URB1: variants seen among roughly 807,000 people sequenced by gnomAD.
URB1 encodes the protein nucleolar pre-ribosomal-associated protein 1.
In URB1, 197 loss-of-function variants were observed where a neutral mutation model predicts 242.3. That is an observed-to-expected ratio of 0.81 (90% CI 0.72 to 0.91). The LOEUF (loss-of-function observed/expected upper bound fraction) is 0.91, where lower values mean the gene tolerates loss of function less well. Ranked by LOEUF, URB1 falls within the 40% of genes least tolerant of loss-of-function variation. URB1 has a pLI of 0.00. For missense variants in URB1, 2,721 were observed against 2,860.5 expected (o/e 0.95, Z 1.11); for synonymous variants, 1,153 against 1,201.8 (o/e 0.96, Z 0.84).
At chr21:32,377,010 T>C (rs1386861790) in intron 5 of URB1, among the ~76,000 whole-genome samples, 1 of 152,128 alleles carries the variant, frequency 6.6e-6, no homozygotes, top group Non-Finnish European at 1.5e-5. Flanking sequence ...CAGTCCCCAA[T>C]TTGCTCAGCC....
intron 31 of URB1, 82 bp from the exon 32 acceptor site, chr21:32,324,684 G>T: frequency 9.6e-7 from 1 of 1,041,876 alleles, no homozygotes; most frequent in Non-Finnish European, 1.4e-6. Flanking sequence ...AGCCGAACCA[G>T]GGCTCGGCAG....
intron 11 of URB1, 44 bp from the exon 12 acceptor site, chr21:32,362,065 A>G: frequency 6.5e-7 from 1 of 1,544,900 alleles, no homozygotes; most frequent in South Asian, 1.2e-5. Context: ...AGTCAACCAC[A>G]AAGGGAGACA....
chr21:32,357,287 C>A (rs1196237288), intron 15 of URB1, among the ~76,000 whole-genome samples: 2 of 149,416 alleles, frequency 1.3e-5, no homozygotes, highest in East Asian at 1.9e-4. Context: ...TAGTATTGAG[C>A]CTACAACAAG....
Position 32,316,800 on chromosome 21 carries a change from T to C in URB1, c.6300A>G (p.Ala2100=), listed in dbSNP as rs1292283301. The change falls in exon 38 of 39, where the codon GCA becomes GCG. Residue 2100 remains alanine, a synonymous_variant. Coordinates refer to ENST00000382751, the MANE Select transcript of URB1 (RefSeq NM_014825.3). ...CCACCGACCGCAGCACCCAACTGAC[T>C]GCCAGGGAAGCGGCAGCATATACGG... ...PGPVYAAASL[A]VSWVLRSVAE... 6.5e-7 allele frequency: 1 copy of C among 1,547,652 alleles called. No homozygotes were observed.
At chr21:32,347,875 T>G (rs2033111535) in intron 21 of URB1, 64 bp from the exon 22 acceptor site, 2 of 1,465,830 alleles carry the variant, frequency 1.4e-6, no homozygotes. Context: ...GGGCGGCAGC[T>G]GCCACGCAAG....
At position 32,319,431 on chromosome 21, in the gene URB1, C is replaced by G; in HGVS notation, c.5595-17G>C. 6.7e-7 allele frequency: 1 copy of G among 1,502,018 alleles called. No individual in the cohort carries two copies. Among genetic ancestry groups the G allele is most frequent in the Non-Finnish European group, 8.9e-7 (1 of 1,124,340 alleles). The allele number at this position is 1,502,018 out of a possible 1,614,324, so 93.0% of individuals were successfully genotyped here. A position where few individuals can be genotyped will look rare whatever the true frequency, so the allele number is the denominator to read the frequency against. ...TCCAGAAACCTAAAACCAAGCACAA[C>G]AGCCTTCAATCCGCCACATCCTGAC... On this transcript the variant is annotated splice_polypyrimidine_tract_variant and intron_variant, in intron 35 of 38. Coordinates refer to ENST00000382751, the MANE Select transcript of URB1 (RefSeq NM_014825.3).
At chr21:32,339,218 T>G (rs1260200932) in intron 25 of URB1, among the ~76,000 whole-genome samples, 1 of 152,200 alleles carries the variant, frequency 6.6e-6, no homozygotes, top group Non-Finnish European at 1.5e-5. Context: ...GGGCTTGAAT[T>G]CCTGACCTCA....
chr21:32,340,957 A>G (rs967896776), intron 25 of URB1, among the ~76,000 whole-genome samples: 2 of 152,208 alleles, frequency 1.3e-5, no homozygotes, highest in Non-Finnish European at 2.9e-5. Flanking sequence ...GTACGGGTAA[A>G]TTAGAAACAT....
At chr21:32,333,707 G>A (rs992668442) in intron 29 of URB1, among the ~76,000 whole-genome samples, 5 of 152,156 alleles carry the variant, frequency 3.3e-5, no homozygotes, top group East Asian at 1.9e-4. Context: ...AAGCAAAGGC[G>A]TCTCTATCTC....
intron 11 of URB1, among the ~76,000 whole-genome samples, chr21:32,362,661 C>G (rs1032102877): frequency 6.6e-6 from 1 of 152,200 alleles, no homozygotes; most frequent in African/African-American, 2.4e-5. Flanking sequence ...TCAGGGAAAG[C>G]TGCCCTGTGT....
rs756960714 is a variant in URB1, at chr21:32,383,424, T to G, written c.565A>C (p.Lys189Gln). The G allele has an allele frequency of 6.4e-7, 1 of 1,551,142 alleles. No homozygotes were observed. Among genetic ancestry groups the G allele is most frequent in the South Asian group, 1.2e-5 (1 of 83,978 alleles). Residue 189 changes from lysine (K) to glutamine (Q), a missense_variant and splice_region_variant, in exon 4 of 39, where the codon AAG becomes CAG. Coordinates refer to ENST00000382751, the MANE Select transcript of URB1 (RefSeq NM_014825.3). Reference sequence around the variant, plus strand: ...ACGAGACACTGTGGTCCCCTCACCTTTGAATCCCTCTTGGTCACCAGGGTG... The same window carrying G: ...ACGAGACACTGTGGTCCCCTCACCTGTGAATCCCTCTTGGTCACCAGGGTG... The part of the protein sequence containing the change: ...LYTLVTKRDS[K>Q]GVYDVRQAYV...
chr21:32,320,567 C>A lies in URB1; in HGVS notation c.5558G>T (p.Ser1853Ile). The A allele has an allele frequency of 6.4e-7, 1 of 1,552,050 alleles. No individual in the cohort carries two copies. Among genetic ancestry groups the A allele is most frequent in the Non-Finnish European group, 8.7e-7 (1 of 1,147,042 alleles). ...RSAYEIIRDY[S>I]LLTWILHILE... ...GATGTGTAAAATCCATGTTAAAAGGCTATAGTCTCGTATGATTTCATACGC... is the reference window on the plus strand; with the variant it reads ...GATGTGTAAAATCCATGTTAAAAGGATATAGTCTCGTATGATTTCATACGC... Residue 1853 changes from serine to isoleucine, a missense_variant, in exon 35 of 39, where the codon AGC (serine) becomes ATC (isoleucine). Ser to Ile is a moderately radical substitution (Grantham distance 142). Transcript: ENST00000382751.
rs763365015 is a variant in URB1 at position 32,316,804 on chromosome 21, A to G, written c.6296T>C (p.Leu2099Pro). The G allele has an allele frequency of 1.6e-5, 24 of 1,547,274 alleles. No individual in the cohort carries two copies. In the African/African-American group the frequency reaches 3.2e-4, roughly 20 times the overall value. The stretch of plus-strand genomic sequence containing the variant: ...CGACCGCAGCACCCAACTGACTGCC[A>G]GGGAAGCGGCAGCATATACGGGGCC... ...APGPVYAAAS[L>P]AVSWVLRSVA... is the part of the protein sequence containing the mutation. Residue 2099 changes from leucine to proline, a missense_variant, in exon 38 of 39, where the codon CTG becomes CCG. Physicochemically the swap from Leu to Pro is moderately conservative, Grantham distance 98 (BLOSUM62 -3). Transcript: ENST00000382751.
At chr21:32,337,281 C>T (rs1384137176) in intron 27 of URB1, 123 bp downstream of exon 27, 25 of 1,339,562 alleles carry the variant, frequency 1.9e-5, no homozygotes, top group South Asian at 1.3e-5. Context: ...ACCCTGCTTG[C>T]ACCGCCTGGT....
Position 32,324,562 on chromosome 21 carries a change from G to C in URB1, c.5162C>G (p.Thr1721Ser). The change falls in exon 32 of 39, where the codon ACT becomes AGT. Residue 1721 changes from threonine to serine, a missense_variant. Transcript: ENST00000382751. ...GGTAAAAGTAAGTCTCATGTCCTGA[G>C]TTCGAATCCCATTCCGGACTACATC... is the stretch of plus-strand genomic sequence containing the variant. The part of the protein sequence containing the change: ...LLDVVRNGIR[T>S]QDMRLTFTLA... The C allele has an allele frequency of 2.6e-6, 4 of 1,551,798 alleles. No individual in the cohort carries two copies. The South Asian group carries it at 4.8e-5, about 18-fold the overall frequency.
chr21:32,375,553 A>G (rs2033449912), intron 5 of URB1, 70 bp from the exon 6 acceptor site: 1 of 932,304 alleles, frequency 1.1e-6, no homozygotes, highest in Admixed American at 2.8e-5. Context: ...AGAGAATATT[A>G]CTGTTTAGGT....
chr21:32,382,563 T>C (rs1209029704), intron 4 of URB1, among the ~76,000 whole-genome samples: 1 of 152,104 alleles, frequency 6.6e-6, no homozygotes, highest in Non-Finnish European at 1.5e-5. Flanking sequence ...GGCAGCACAC[T>C]GTTATAGAAG....
chr21:32,350,523 T>C (rs1483127279), intron 20 of URB1, among the ~76,000 whole-genome samples, 181 bp downstream of exon 20: 2 of 152,168 alleles, frequency 1.3e-5, no homozygotes, highest in Non-Finnish European at 2.9e-5. Context: ...CTGGCTCCCA[T>C]GGGCAGGGCT....
In URB1 at chr21:32,311,595, G is replaced by C; in HGVS notation, c.*3323C>G. 1 of 1,534,624 alleles carries C rather than the reference G, an allele frequency of 6.5e-7. No homozygotes were observed. Among genetic ancestry groups the C allele is most frequent in the Non-Finnish European group, 8.8e-7 (1 of 1,140,648 alleles). ...CTTCCCTATGGGGTCCGGGCAGATG[G>C]CAGGTGTGGCAGGAAACCCCCCAGC... is the stretch of plus-strand genomic sequence containing the variant. On this transcript the variant is annotated 3_prime_UTR_variant, in exon 39 of 39. Transcript: ENST00000382751.
Sources: allele counts gnomAD v4.1 joint callset (sites outside exome capture counted in the v4.1 genomes callset), GRCh38; gene constraint gnomAD v4.1.1; transcripts MANE v1.5; gene names NCBI Gene and HGNC (gene_info 2026-07-23, HGNC 2026-07-21).